The following NELL1 variants were observed in gnomAD, a reference collection of about 807,000 sequenced individuals.
NELL1 encodes protein kinase C-binding protein NELL1.
Under a neutral mutation model 107.4 loss-of-function variants are expected in NELL1, and 76 were observed. The observed-to-expected ratio is 0.71, with a 90% CI of 0.59 to 0.86. NELL1 has a LOEUF of 0.86. NELL1 is among the 40% of genes least tolerant of loss of function. NELL1 has a pLI of 0.00. For synonymous variants in NELL1, 353 were observed against 341.2 expected, an observed-to-expected ratio of 1.03 and a Z score of -0.38; for missense variants, 1,024 against 1,005.5, an observed-to-expected ratio of 1.02 and a Z score of -0.25.
At chr11:21,441,115 G>A (rs1853270743) in intron 15 of NELL1, among the ~76,000 whole-genome samples, 1 of 151,958 alleles carries the variant, frequency 6.6e-6, no homozygotes, top group Non-Finnish European at 1.5e-5. Context: ...CTCAACTACT[G>A]GGATCATTTC....
intron 2 of NELL1, among the ~76,000 whole-genome samples, chr11:20,766,793 A>G (rs1293769104): frequency 6.6e-6 from 1 of 151,796 alleles, no homozygotes; most frequent in Non-Finnish European, 1.5e-5. Context: ...CCCAGGCTGA[A>G]GTGCAGTGGC....
At chr11:20,860,535 CA>C (rs1358017391) in intron 4 of NELL1, among the ~76,000 whole-genome samples, 2 of 152,168 alleles carry the variant, frequency 1.3e-5, no homozygotes, top group African/African-American at 4.8e-5. Context: ...TCCACCTGTA[CA>C]GGGGGTATCA....
intron 15 of NELL1, among the ~76,000 whole-genome samples, chr11:21,495,137 G>A (rs115579597): frequency 0.015 from 2,316 of 152,136 alleles, 58 homozygotes; most frequent in African/African-American, 0.052. Context: ...AAGAAACTCC[G>A]TACTCATTAA....
At chr11:21,554,329 C>T (rs1480624444) in intron 16 of NELL1, among the ~76,000 whole-genome samples, 2 of 151,794 alleles carry the variant, frequency 1.3e-5, no homozygotes, top group Admixed American at 6.6e-5. Flanking sequence ...TTATGTTTTT[C>T]AACATGTTTC....
intron 9 of NELL1, among the ~76,000 whole-genome samples, chr11:20,936,428 C>T (rs982785388): frequency 6.6e-6 from 1 of 152,162 alleles, no homozygotes; most frequent in African/African-American, 2.4e-5. Context: ...TTAACTTAGG[C>T]ATGTCCCTGG....
chr11:20,895,084 A>T (rs1221659238), intron 5 of NELL1, among the ~76,000 whole-genome samples: 1 of 144,498 alleles, frequency 6.9e-6, no homozygotes, highest in Non-Finnish European at 1.5e-5. Context: ...ATCCCGGCTA[A>T]AACGGTGAAA....
intron 14 of NELL1, among the ~76,000 whole-genome samples, chr11:21,309,266 A>ATATATATATGTGTGTG (rs1554999457): frequency 2.6e-5 from 1 of 38,080 alleles, no homozygotes; most frequent in African/African-American, 8.1e-5. Flanking sequence ...ATATGTATAT[A>ATATATATATGTGTGTG]TATATATATA....
At chr11:21,475,465 T>G (rs946435198) in intron 15 of NELL1, among the ~76,000 whole-genome samples, 2 of 152,178 alleles carry the variant, frequency 1.3e-5, no homozygotes, top group African/African-American at 4.8e-5. Flanking sequence ...TAGGCATCAT[T>G]GTCAGGACTG....
At chr11:21,468,702 T>C (rs181178780) in intron 15 of NELL1, among the ~76,000 whole-genome samples, 3 of 152,204 alleles carry the variant, frequency 2.0e-5, no homozygotes, top group African/African-American at 7.2e-5. Context: ...AAGCCCTCTT[T>C]AGCTCAGAAG....
intron 15 of NELL1, among the ~76,000 whole-genome samples, chr11:21,522,571 G>A (rs1352898543): frequency 2.0e-5 from 3 of 152,028 alleles, no homozygotes; most frequent in African/African-American, 7.2e-5. Context: ...AGGTGTGCGG[G>A]GTGGGAGGGG....
intron 15 of NELL1, among the ~76,000 whole-genome samples, chr11:21,466,244 A>G (rs1854027035): frequency 6.6e-6 from 1 of 152,110 alleles, no homozygotes; most frequent in Admixed American, 6.6e-5. Context: ...GTCTTTCAGC[A>G]TTGCGGAGGA....
chr11:20,947,220 A>G, intron 10 of NELL1, 116 bp from the exon 11 acceptor site: 1 of 660,966 alleles, frequency 1.5e-6, no homozygotes, highest in Non-Finnish European at 2.7e-6. Flanking sequence ...AATCCCTGGG[A>G]GTATTAATTA....
chr11:21,193,374 T>G (rs1857086841), intron 13 of NELL1, among the ~76,000 whole-genome samples: 1 of 151,750 alleles, frequency 6.6e-6, no homozygotes, highest in African/African-American at 2.4e-5. Flanking sequence ...AACTGGGTAA[T>G]TTTTCAAGAA....
chr11:21,015,573 C>T (rs749806011), intron 12 of NELL1, among the ~76,000 whole-genome samples: 9 of 152,022 alleles, frequency 5.9e-5, no homozygotes, highest in Non-Finnish European at 1.2e-4. Flanking sequence ...CTTTGTTTCC[C>T]CCTGTGGCTG....
At chr11:21,398,060 A>G (rs1413845930) in intron 15 of NELL1, among the ~76,000 whole-genome samples, 1 of 151,272 alleles carries the variant, frequency 6.6e-6, no homozygotes, top group Non-Finnish European at 1.5e-5. Context: ...TATATTATAT[A>G]AATTTAAAAT....
intron 12 of NELL1, among the ~76,000 whole-genome samples, chr11:21,087,320 G>A (rs998899948): frequency 1.3e-5 from 2 of 151,910 alleles, no homozygotes; most frequent in African/African-American, 2.4e-5. Context: ...AACTTTTTAA[G>A]AAAATTTTTT....
chr11:21,522,233 C>CAAA (rs34810194), intron 15 of NELL1, among the ~76,000 whole-genome samples: 16 of 128,486 alleles, frequency 1.2e-4, no homozygotes, highest in South Asian at 1.2e-3. Context: ...GACTCCGTCT[C>CAAA]AAAAAAAAAA....
chr11:20,895,411 T>G (rs1199025650), intron 5 of NELL1, among the ~76,000 whole-genome samples: 1 of 150,046 alleles, frequency 6.7e-6, no homozygotes, highest in Non-Finnish European at 1.5e-5. Flanking sequence ...CCAGTCTCTG[T>G]TATCTGTCTT....
chr11:20,844,654 A>G (rs1848674228), intron 3 of NELL1, among the ~76,000 whole-genome samples: 1 of 152,170 alleles, frequency 6.6e-6, no homozygotes, highest in Non-Finnish European at 1.5e-5. Flanking sequence ...TCGTAGCGTC[A>G]GACTTCTGCT....
Sources: gnomAD v4.1 joint callset for allele counts (sites outside exome capture counted in the v4.1 genomes callset) on GRCh38, gnomAD v4.1.1 for gene constraint, MANE v1.5 for transcripts, NCBI Gene and HGNC (gene_info 2026-07-23, HGNC 2026-07-21) for gene names.